The following DIAPH2 variants were observed in gnomAD, a reference collection of about 807,000 sequenced individuals.
DIAPH2 encodes diaphanous related formin 2, also known as protein diaphanous homolog 2.
Under a neutral mutation model 92.7 loss-of-function variants are expected in DIAPH2, and 35 were observed. That is an observed-to-expected ratio of 0.38 (90% CI 0.29 to 0.50). DIAPH2 has a LOEUF of 0.50. Among genes scored for constraint, DIAPH2 ranks in the 20% least tolerant of loss-of-function variants. DIAPH2 has a pLI of 0.94. For synonymous variants in DIAPH2, 301 were observed against 280.4 expected (o/e 1.07, Z -0.73); for missense variants, 701 against 819.5 (o/e 0.86, Z 1.77).
At chrX:97,031,568 T>C (rs1602731761) in intron 17 of DIAPH2, among the ~76,000 whole-genome samples, 1 of 111,636 alleles carries the variant, frequency 9.0e-6, no homozygotes, top group Non-Finnish European at 1.9e-5. Context: ...AAGTGCTAGT[T>C]GTTTTTCTGC....
intron 26 of DIAPH2, among the ~76,000 whole-genome samples, chrX:97,476,444 A>C (rs1486649077): frequency 5.4e-5 from 6 of 111,901 alleles, no homozygotes; most frequent in Non-Finnish European, 1.1e-4. Flanking sequence ...CTTGTATACA[A>C]TACATGTCTG....
At chrX:97,557,406 G>A (rs1271421618) in intron 26 of DIAPH2, among the ~76,000 whole-genome samples, 1 of 111,649 alleles carries the variant, frequency 9.0e-6, no homozygotes, top group Non-Finnish European at 1.9e-5. Flanking sequence ...GGGTGTGGTG[G>A]CAGGTGCCTG....
intron 17 of DIAPH2, among the ~76,000 whole-genome samples, chrX:96,974,932 A>AAG (rs1357001215): frequency 1.8e-5 from 2 of 111,876 alleles, no homozygotes; most frequent in African/African-American, 6.5e-5. Flanking sequence ...AGGAAGAACA[A>AAG]AGATAGTGTG....
chrX:96,755,040 A>G (rs1021148449), intron 3 of DIAPH2, among the ~76,000 whole-genome samples: 2 of 109,786 alleles, frequency 1.8e-5, no homozygotes, highest in Non-Finnish European at 3.8e-5. Flanking sequence ...CTGTGATTCA[A>G]CAATGCCAGA....
chrX:96,950,413 TC>T (rs953851101), intron 15 of DIAPH2, among the ~76,000 whole-genome samples: 1 of 111,636 alleles, frequency 9.0e-6, no homozygotes, highest in African/African-American at 3.3e-5. Context: ...CAGTTTGTTG[TC>T]CATTTCCTGT....
intron 23 of DIAPH2, among the ~76,000 whole-genome samples, chrX:97,317,660 G>C (rs1482215856): frequency 8.9e-6 from 1 of 111,789 alleles, no homozygotes; most frequent in African/African-American, 3.2e-5. Flanking sequence ...TAATCGAATT[G>C]TGGAATATTA....
intron 4 of DIAPH2, among the ~76,000 whole-genome samples, chrX:96,772,105 A>C (rs185886063): frequency 1.8e-5 from 2 of 110,686 alleles, no homozygotes; most frequent in African/African-American, 6.6e-5. Context: ...ATTTGATTCC[A>C]TTTTTCATTT....
At chrX:97,427,840 C>A (rs2070086397) in intron 25 of DIAPH2, among the ~76,000 whole-genome samples, 1 of 110,232 alleles carries the variant, frequency 9.1e-6, no homozygotes, top group Non-Finnish European at 1.9e-5. Context: ...GTGCCCACCA[C>A]CATGCCTGGC....
intron 10 of DIAPH2, among the ~76,000 whole-genome samples, chrX:96,935,011 T>C (rs2065648057): frequency 9.0e-6 from 1 of 111,633 alleles, no homozygotes; most frequent in South Asian, 3.8e-4. Context: ...TGGACTTTGA[T>C]TTCCTTTGAA....
At position 96,957,938 on chromosome X, in the gene DIAPH2, T is replaced by C. The variant is rs751707103; in HGVS notation, c.1725T>C (p.Ala575=). The C allele has an allele frequency of 1.5e-5, 18 of 1,206,975 alleles. No individual in the cohort carries two copies. The South Asian group carries it at 2.1e-4, about 14-fold the overall frequency. ...PPPAPPLPGG[A]PLPPPPPPLP... ...CCGCGCCACCTCTACCCGGAGGAGC[T>C]CCTCTTCCTCCTCCACCACCTCCTT... The change falls in exon 16 of 27, where the codon GCT becomes GCC. Residue 575 remains alanine (A), a synonymous_variant. Transcript: ENST00000324765.
rs2066977502 is a variant in DIAPH2 at position 97,111,101 on chromosome X, T to C, written c.2350-3625T>C. On this transcript the variant is annotated intron_variant, in intron 20 of 26. Transcript: ENST00000324765. ...GCAGCCAAGCAATACTTTTCCTTTA[T>C]GGAACTAGTGCTTTTTACTCTACCT... Among the ~76,000 whole-genome samples the C allele has an allele frequency of 2.7e-5, 3 of 112,608 alleles. No individual in the cohort carries two copies. The South Asian group carries it at 1.1e-3, about 41-fold the overall frequency.
chrX:96,843,820 T>C (rs1296195123), intron 4 of DIAPH2, among the ~76,000 whole-genome samples: 2 of 111,622 alleles, frequency 1.8e-5, no homozygotes, highest in Non-Finnish European at 3.8e-5. Flanking sequence ...CTCCCCGTTA[T>C]CTGCCTCCTG....
intron 25 of DIAPH2, among the ~76,000 whole-genome samples, chrX:97,396,777 A>G (rs2069708805): frequency 8.9e-6 from 1 of 112,017 alleles, no homozygotes; most frequent in South Asian, 3.7e-4. Context: ...ACATATCCTA[A>G]TCAAAGTATG....
At chrX:96,711,583 T>C (rs1017416463) in intron 1 of DIAPH2, among the ~76,000 whole-genome samples, 1 of 111,496 alleles carries the variant, frequency 9.0e-6, no homozygotes, top group Non-Finnish European at 1.9e-5. Context: ...CTTTGTCAGA[T>C]GCATGGGAGG....
chrX:97,120,614 G>GTTTTTTTTTTT (rs139009030), intron 21 of DIAPH2, among the ~76,000 whole-genome samples: 2 of 75,849 alleles, frequency 2.6e-5, no homozygotes, highest in African/African-American at 1.1e-4. Flanking sequence ...TTTTTTGTGG[G>GTTTTTTTTTTT]TTTTTTTTTT....
At chrX:97,464,333 C>T (rs376739215) in intron 26 of DIAPH2, among the ~76,000 whole-genome samples, 251 of 85,658 alleles carry the variant, frequency 2.9e-3, no homozygotes, top group African/African-American at 0.011. Flanking sequence ...AAAAATTAGC[C>T]GGGCATGGTG....
intron 26 of DIAPH2, among the ~76,000 whole-genome samples, chrX:97,488,591 T>C (rs972142062): frequency 1.8e-5 from 2 of 111,992 alleles, no homozygotes; most frequent in African/African-American, 6.5e-5. Flanking sequence ...GTCTTACGTT[T>C]AAATCTTTAA....
rs1273946842 is a variant in DIAPH2 at position 97,513,999 on chromosome X, C to G, written c.3241+84254C>G. Among the ~76,000 whole-genome samples the G allele has an allele frequency of 2.8e-5, 3 of 106,987 alleles. 1 individual carries two copies. Among genetic ancestry groups the G allele is most frequent in the African/African-American group, 1.1e-4 (3 of 27,503 alleles). 92.9% of individuals were successfully genotyped at this position (106,987 alleles called of 115,157 possible). A position where few individuals can be genotyped will look rare whatever the true frequency, so the allele number is the denominator to read the frequency against. On this transcript the variant is annotated intron_variant, in intron 26 of 26. Transcript: ENST00000324765. ...GACAATTATGTGTCTTGGAGTTGCT[C>G]TTCTCTAGGAGAATCTTTGTGGCGT...
chrX:97,394,539 T>TC (rs1317238425), intron 25 of DIAPH2, among the ~76,000 whole-genome samples: 2 of 111,900 alleles, frequency 1.8e-5, no homozygotes, highest in African/African-American at 3.2e-5. Flanking sequence ...GGGTTTTGTT[T>TC]CCCCAGATAA....
Sources: gnomAD v4.1 joint callset for allele counts (sites outside exome capture counted in the v4.1 genomes callset) on GRCh38, gnomAD v4.1.1 for gene constraint, MANE v1.5 for transcripts, NCBI Gene and HGNC (gene_info 2026-07-23, HGNC 2026-07-21) for gene names.